DOCK3: variants seen among roughly 807,000 people sequenced by gnomAD.
DOCK3 encodes dedicator of cytokinesis protein 3.
In DOCK3, 60 loss-of-function variants were observed where a neutral mutation model predicts 265.6. The observed-to-expected ratio is 0.23, with a 90% CI of 0.18 to 0.28. The LOEUF (loss-of-function observed/expected upper bound fraction) is 0.28, where lower values mean the gene tolerates loss of function less well. Ranked by LOEUF, DOCK3 falls within the 10% of genes least tolerant of loss-of-function variation. The pLI, the probability that DOCK3 is intolerant of heterozygous loss-of-function variation, is 1.00. For synonymous variants in DOCK3, 881 were observed against 938.0 expected, an observed-to-expected ratio of 0.94 and a Z score of 1.11; for missense variants, 1,981 against 2,594.3, an observed-to-expected ratio of 0.76 and a Z score of 5.14.
intron 49 of DOCK3, among the ~76,000 whole-genome samples, chr3:51,363,272 A>C (rs2086871371): frequency 6.6e-6 from 1 of 152,216 alleles, no homozygotes; most frequent in South Asian, 2.1e-4. Flanking sequence ...TCCCAAGTGA[A>C]AGTTGATTCT....
Position 51,373,185 on chromosome 3 carries a change from C to T in DOCK3, c.5294-1284C>T, listed in dbSNP as rs151263782. ...CCTTTGGCAAGCTGGCTGAAGAAGA[C>T]GTATTTTTAGCTGTGTCCTGACAGT... On this transcript the variant is annotated intron_variant, in intron 49 of 52. Transcript: ENST00000266037. Among the ~76,000 whole-genome samples, 918 of 152,252 alleles carry T rather than the reference C, an allele frequency of 6.0e-3. 12 individuals carry two copies. The highest frequency in any genetic ancestry group is 0.019 in the African/African-American group (802 of 41,538).
intron 12 of DOCK3, among the ~76,000 whole-genome samples, chr3:51,189,388 G>A (rs1490908467): frequency 1.3e-5 from 2 of 152,018 alleles, no homozygotes; most frequent in African/African-American, 2.4e-5. Context: ...TATCCAATGT[G>A]TAGATTTTTT....
chr3:50,675,327 GC>G lies in DOCK3; in HGVS notation c.37+28del. On this transcript the variant is annotated intron_variant, in intron 1 of 52. Coordinates refer to ENST00000266037, the MANE Select transcript of DOCK3 (RefSeq NM_004947.5). This position sits in a 1 kb window ranked among gnomAD's most constrained non-coding sequence, Gnocchi z 6.1. Reference sequence around the variant, plus strand: ...TAGGTGAGGCTCAGGCCTGGCCGTGGCGGGGGTTCTGGGGGACGCGCCCAGC... The same window carrying G: ...TAGGTGAGGCTCAGGCCTGGCCGTGGGGGGGTTCTGGGGGACGCGCCCAGC... The G allele has an allele frequency of 8.1e-7, 1 of 1,239,364 alleles. No individual in the cohort carries two copies. Among genetic ancestry groups the G allele is most frequent in the Non-Finnish European group, 1.0e-6 (1 of 978,776 alleles). The allele number at this position is 1,239,364 out of a possible 1,614,324, so 76.8% of individuals were successfully genotyped here. A position where few individuals can be genotyped will look rare whatever the true frequency, so the allele number is the denominator to read the frequency against.
At chr3:51,035,838 C>G (rs577944973) in intron 5 of DOCK3, among the ~76,000 whole-genome samples, 2 of 152,272 alleles carry the variant, frequency 1.3e-5, no homozygotes, top group South Asian at 4.1e-4. Flanking sequence ...TCAGTTTGCT[C>G]TGTGCATGCA....
At chr3:50,954,121 C>T (rs989144868) in intron 5 of DOCK3, among the ~76,000 whole-genome samples, 10 of 152,052 alleles carry the variant, frequency 6.6e-5, no homozygotes, top group African/African-American at 2.4e-4. Flanking sequence ...TTTCTCCCTC[C>T]CATATATCCT....
chr3:50,849,583 A>G (rs902778023), intron 3 of DOCK3, among the ~76,000 whole-genome samples: 1 of 151,454 alleles, frequency 6.6e-6, no homozygotes, highest in Non-Finnish European at 1.5e-5. Context: ...CGTCCTGAGT[A>G]GCTGGGACTA....
intron 22 of DOCK3, 21 bp from the exon 23 acceptor site, chr3:51,260,135 T>A: frequency 6.2e-7 from 1 of 1,604,430 alleles, no homozygotes; most frequent in African/African-American, 1.3e-5. Flanking sequence ...TCTCCATCAC[T>A]TTTTCTCCCA....
At chr3:51,292,945 A>G (rs1328019970) in intron 27 of DOCK3, among the ~76,000 whole-genome samples, 1 of 152,200 alleles carries the variant, frequency 6.6e-6, no homozygotes, top group East Asian at 1.9e-4. Context: ...TATACTGACA[A>G]CTATAAAATA....
chr3:51,161,625 C>T (rs887090881), intron 12 of DOCK3, among the ~76,000 whole-genome samples: 5 of 151,954 alleles, frequency 3.3e-5, no homozygotes, highest in African/African-American at 1.2e-4. Flanking sequence ...CTTTTTTCTC[C>T]AGAATTAACC....
intron 9 of DOCK3, among the ~76,000 whole-genome samples, chr3:51,095,574 T>A: frequency 6.6e-6 from 1 of 152,126 alleles, no homozygotes; most frequent in Non-Finnish European, 1.5e-5. Flanking sequence ...AACTTGATGG[T>A]GGAATTTGCA....
intron 19 of DOCK3, among the ~76,000 whole-genome samples, chr3:51,234,711 C>G (rs971462490): frequency 3.3e-5 from 5 of 152,130 alleles, no homozygotes; most frequent in Non-Finnish European, 7.3e-5. Flanking sequence ...CCTTCCTTAC[C>G]CCTATGTTAA....
intron 23 of DOCK3, among the ~76,000 whole-genome samples, chr3:51,269,856 G>A (rs2080405120): frequency 6.6e-6 from 1 of 152,156 alleles, no homozygotes; most frequent in Non-Finnish European, 1.5e-5. Context: ...CCTCATACCA[G>A]TATCAAGACA....
At chr3:51,358,617 C>T (rs1380699485) in intron 46 of DOCK3, among the ~76,000 whole-genome samples, 1 of 152,162 alleles carries the variant, frequency 6.6e-6, no homozygotes, top group Non-Finnish European at 1.5e-5. Context: ...CTTCCTCTAT[C>T]ATGTCTCGTG....
intron 14 of DOCK3, among the ~76,000 whole-genome samples, chr3:51,223,950 A>G (rs2090210495): frequency 1.3e-5 from 2 of 152,194 alleles, no homozygotes; most frequent in Non-Finnish European, 2.9e-5. Flanking sequence ...AGGAGGGCCC[A>G]AGCAGCAATG....
At chr3:51,331,692 A>G (rs2084529123) in intron 33 of DOCK3, among the ~76,000 whole-genome samples, 1 of 152,170 alleles carries the variant, frequency 6.6e-6, no homozygotes, top group African/African-American at 2.4e-5. Flanking sequence ...GTGCAGTGGT[A>G]CGCACCTGTA....
chr3:50,757,062 A>G (rs1410844138), intron 1 of DOCK3, among the ~76,000 whole-genome samples: 3 of 151,564 alleles, frequency 2.0e-5, no homozygotes, highest in South Asian at 2.1e-4. Context: ...CATATTGCTC[A>G]GGCTGATCTT....
intron 9 of DOCK3, among the ~76,000 whole-genome samples, chr3:51,138,623 C>T (rs533779631): frequency 2.6e-5 from 4 of 152,290 alleles, no homozygotes; most frequent in Admixed American, 6.5e-5. Flanking sequence ...TGGACAAGAC[C>T]TTGGTGTAAG....
intron 9 of DOCK3, among the ~76,000 whole-genome samples, chr3:51,115,382 T>G (rs147551056): frequency 6.6e-6 from 1 of 152,352 alleles, no homozygotes; most frequent in South Asian, 2.1e-4. Context: ...GATTTGCATT[T>G]CTCTAATGAC....
At chr3:50,713,655 T>TATA (rs397970507) in intron 1 of DOCK3, among the ~76,000 whole-genome samples, 6 of 150,690 alleles carry the variant, frequency 4.0e-5, no homozygotes, top group African/African-American at 1.5e-4. Flanking sequence ...TATATATATA[T>TATA]TTTTTGTTTG....
Sources: gnomAD v4.1 joint callset for allele counts (sites outside exome capture counted in the v4.1 genomes callset) on GRCh38, gnomAD v4.1.1 for gene constraint, Gnocchi (gnomAD v3.1) non-coding constraint, MANE v1.5 for transcripts, NCBI Gene and HGNC (gene_info 2026-07-23, HGNC 2026-07-21) for gene names.